SH3GL2: variants seen among roughly 807,000 people sequenced by gnomAD.
SH3GL2 encodes endophilin-A1.
SH3GL2 carries 24 observed loss-of-function variants against 46.0 expected under a neutral mutation model. The ratio of observed to expected loss-of-function variants is 0.52; its 90% CI spans 0.38 to 0.73. The LOEUF (loss-of-function observed/expected upper bound fraction) is 0.73, where lower values mean the gene tolerates loss of function less well. Ranked by LOEUF, SH3GL2 falls within the 30% of genes least tolerant of loss-of-function variation. The pLI, the probability that SH3GL2 is intolerant of heterozygous loss-of-function variation, is 0.00. For missense variants in SH3GL2, 413 were observed against 424.2 expected, an observed-to-expected ratio of 0.97 and a Z score of 0.23; for synonymous variants, 196 against 147.1, an observed-to-expected ratio of 1.33 and a Z score of -2.40.
At chr9:17,634,325 A>G (rs963704611) in intron 1 of SH3GL2, among the ~76,000 whole-genome samples, 10 of 151,914 alleles carry the variant, frequency 6.6e-5, no homozygotes, top group African/African-American at 1.9e-4. Context: ...TAACTATGAG[A>G]AATCAGAAAA....
chr9:17,759,695 G>T (rs150665669), intron 2 of SH3GL2, among the ~76,000 whole-genome samples: 3 of 152,108 alleles, frequency 2.0e-5, no homozygotes, highest in African/African-American at 4.8e-5. Flanking sequence ...AGAGATGGGG[G>T]AACCTTAGAA....
chr9:17,760,645 T>C (rs987919464), intron 2 of SH3GL2, among the ~76,000 whole-genome samples: 1 of 152,182 alleles, frequency 6.6e-6, no homozygotes, highest in African/African-American at 2.4e-5. Context: ...CATTTATACC[T>C]ATGTCATATA....
chr9:17,623,029 TCCTTTCCTTTCCTTCCCCTTCC>T, intron 1 of SH3GL2, among the ~76,000 whole-genome samples: 1 of 105,702 alleles, frequency 9.5e-6, no homozygotes, highest in African/African-American at 4.0e-5. Flanking sequence ...TCCTTTCCTT[TCCTTTCCTTTCCTTCCCCTTCC>T]CCTTCCCCTT....
chr9:17,597,590 C>T (rs1054519045), intron 1 of SH3GL2, among the ~76,000 whole-genome samples: 2 of 151,852 alleles, frequency 1.3e-5, no homozygotes, highest in South Asian at 2.1e-4. Context: ...AACTTTGTTA[C>T]TTATGTATTC....
At chr9:17,617,629 C>G (rs1050497639) in intron 1 of SH3GL2, among the ~76,000 whole-genome samples, 1 of 152,132 alleles carries the variant, frequency 6.6e-6, no homozygotes, top group Admixed American at 6.5e-5. Flanking sequence ...GAGACAGTTT[C>G]TGGGAAAAAA....
chr9:17,597,045 C>T (rs908756525), intron 1 of SH3GL2, among the ~76,000 whole-genome samples: 1 of 152,196 alleles, frequency 6.6e-6, no homozygotes, highest in African/African-American at 2.4e-5. Context: ...TTTCCAACCT[C>T]TGCAGCATCT....
chr9:17,704,448 ACTC>A (rs1821418567), intron 1 of SH3GL2, among the ~76,000 whole-genome samples: 1 of 151,764 alleles, frequency 6.6e-6, no homozygotes, highest in African/African-American at 2.4e-5. Context: ...AAATATTAGA[ACTC>A]CTATGGAATC....
chr9:17,726,887 A>C (rs913798033), intron 1 of SH3GL2, among the ~76,000 whole-genome samples: 2 of 152,144 alleles, frequency 1.3e-5, no homozygotes, highest in Non-Finnish European at 2.9e-5. Context: ...TCGGGGAGGA[A>C]TGCAGCAGTA....
intron 1 of SH3GL2, among the ~76,000 whole-genome samples, chr9:17,670,184 A>G (rs1190443034): frequency 1.3e-5 from 2 of 152,136 alleles, no homozygotes; most frequent in Admixed American, 1.3e-4. Context: ...TAGAATCCCC[A>G]TGGTGGACAT....
At chr9:17,687,949 A>G (rs1384821538) in intron 1 of SH3GL2, among the ~76,000 whole-genome samples, 2 of 152,122 alleles carry the variant, frequency 1.3e-5, no homozygotes, top group South Asian at 2.1e-4. Context: ...GATGCCTGAC[A>G]GTATGTTTCT....
intron 1 of SH3GL2, among the ~76,000 whole-genome samples, chr9:17,670,331 C>G (rs184925564): frequency 5.8e-4 from 89 of 152,256 alleles, no homozygotes; most frequent in African/African-American, 2.1e-3. Flanking sequence ...TCTTGGGCTG[C>G]TTTTTGTTAG....
At chr9:17,624,597 A>G (rs1242832692) in intron 1 of SH3GL2, among the ~76,000 whole-genome samples, 3 of 152,172 alleles carry the variant, frequency 2.0e-5, no homozygotes, top group Non-Finnish European at 4.4e-5. Context: ...ACTGTACTCA[A>G]TTTGAGCCCT....
intron 1 of SH3GL2, among the ~76,000 whole-genome samples, chr9:17,723,895 A>G (rs1275830657): frequency 6.6e-6 from 1 of 152,126 alleles, no homozygotes; most frequent in Non-Finnish European, 1.5e-5. Context: ...TTACATAATG[A>G]AATTCATAAT....
chr9:17,698,193 G>C (rs1454555773), intron 1 of SH3GL2, among the ~76,000 whole-genome samples: 1 of 152,204 alleles, frequency 6.6e-6, no homozygotes, highest in African/African-American at 2.4e-5. Context: ...TCCAGATGCA[G>C]GCAGTCACTT....
At chr9:17,783,319 G>T (rs1001422997) in intron 3 of SH3GL2, among the ~76,000 whole-genome samples, 4 of 151,578 alleles carry the variant, frequency 2.6e-5, no homozygotes, top group African/African-American at 7.3e-5. Flanking sequence ...TGTTTGTTTG[G>T]ATTAGGAAAT....
chr9:17,776,983 C>G (rs1159736033), intron 3 of SH3GL2, among the ~76,000 whole-genome samples: 1 of 152,176 alleles, frequency 6.6e-6, no homozygotes, highest in East Asian at 1.9e-4. Flanking sequence ...GAAAGAGTAG[C>G]TCCCACGGAT....
chr9:17,777,267 A>C (rs932510173), intron 3 of SH3GL2, among the ~76,000 whole-genome samples: 4 of 152,238 alleles, frequency 2.6e-5, no homozygotes, highest in Admixed American at 2.0e-4. Context: ...TTATTCAAAA[A>C]GAGTAAACCC....
At chr9:17,690,906 G>C (rs925966970) in intron 1 of SH3GL2, among the ~76,000 whole-genome samples, 2 of 152,104 alleles carry the variant, frequency 1.3e-5, no homozygotes, top group Admixed American at 1.3e-4. Flanking sequence ...TTGCCAGAAT[G>C]GGTTACAGAC....
intron 1 of SH3GL2, among the ~76,000 whole-genome samples, chr9:17,712,282 T>C (rs915558611): frequency 9.9e-5 from 15 of 151,858 alleles, no homozygotes; most frequent in Non-Finnish European, 4.4e-5. Flanking sequence ...CCTAACAGTG[T>C]CTTCTGGGGA....
Sources: allele counts gnomAD v4.1 joint callset (sites outside exome capture counted in the v4.1 genomes callset), GRCh38; gene constraint gnomAD v4.1.1; transcripts MANE v1.5; gene names NCBI Gene and HGNC (gene_info 2026-07-23, HGNC 2026-07-21).